Variants in WDR4 observed in about 807,000 individuals in gnomAD.
WDR4 encodes the protein WDR4 tRNA N7-guanosine methyltransferase non-catalytic subunit.
WDR4 carries 47 observed loss-of-function variants against 48.6 expected under a neutral mutation model. The observed-to-expected ratio is 0.97, with a 90% CI of 0.77 to 1.23. WDR4 has a LOEUF of 1.23. Among genes scored for constraint, WDR4 ranks in the 50% most tolerant of loss-of-function variants. The pLI, the probability that WDR4 is intolerant of heterozygous loss-of-function variation, is 0.00. For missense variants in WDR4, 606 were observed against 551.6 expected, an observed-to-expected ratio of 1.10 and a Z score of -0.99; for synonymous variants, 268 against 230.0, an observed-to-expected ratio of 1.17 and a Z score of -1.49.
intron 3 of WDR4, among the ~76,000 whole-genome samples, chr21:42,870,359 G>A (rs554534793): frequency 2.1e-4 from 32 of 151,882 alleles, no homozygotes; most frequent in African/African-American, 6.5e-4. Context: ...TCAAAACAAA[G>A]AAAGAAAGAA....
intron 2 of WDR4, among the ~76,000 whole-genome samples, chr21:42,875,229 G>C (rs1182179891): frequency 6.6e-6 from 1 of 152,088 alleles, no homozygotes; most frequent in Non-Finnish European, 1.5e-5. Context: ...TGGGTAACAT[G>C]GCGAAACCAC....
chr21:42,880,999 G>C (rs538761284), upstream of WDR4, among the ~76,000 whole-genome samples: 349 of 150,184 alleles, frequency 2.3e-3, 2 homozygotes, highest in African/African-American at 8.0e-3. Context: ...TCCACCTCCC[G>C]AGTTCACGCC....
chr21:42,864,287 C>A (rs75648438), intron 3 of WDR4, among the ~76,000 whole-genome samples: 5,532 of 151,706 alleles, frequency 0.036, 107 homozygotes, highest in East Asian at 0.081. Context: ...AGGGAGACAA[C>A]GGCCCTCTCC....
intron 3 of WDR4, among the ~76,000 whole-genome samples, chr21:42,864,829 T>C (rs1191533460): frequency 6.6e-6 from 1 of 152,158 alleles, no homozygotes; most frequent in East Asian, 1.9e-4. Context: ...ATATGTTCTA[T>C]TTTACATAGA....
In WDR4 at chr21:42,876,775, G is replaced by C. The variant is rs892591398; in HGVS notation, c.90-8C>G. ...AAGAGGCTGTCATCATCACTAAAGA[G>C]AAATAACAATAATTTTAAAAGGAGT... On this transcript the variant is annotated splice_polypyrimidine_tract_variant and splice_region_variant and intron_variant, in intron 1 of 10. Coordinates refer to ENST00000398208, the MANE Select transcript of WDR4 (RefSeq NM_018669.6). 1.9e-6 allele frequency: 3 copies of C among 1,602,934 alleles called. No homozygotes were observed. Among genetic ancestry groups the C allele is most frequent in the East Asian group, 2.2e-5 (1 of 44,748 alleles).
upstream of WDR4, chr21:42,879,780 C>T (rs1217604644): frequency 2.2e-6 from 1 of 451,270 alleles, no homozygotes; most frequent in Non-Finnish European, 4.0e-6. Context: ...TTCATCCTTT[C>T]CTCTAGACGG....
At chr21:42,871,722 G>A (rs1213971282) in intron 3 of WDR4, among the ~76,000 whole-genome samples, 1 of 152,104 alleles carries the variant, frequency 6.6e-6, no homozygotes, top group Non-Finnish European at 1.5e-5. Flanking sequence ...CCAGAAGGTG[G>A]GTAAGAAGGG....
the WDR4 span, among the ~76,000 whole-genome samples, chr21:42,887,921 C>CA: frequency 4.8e-4 from 65 of 135,226 alleles, no homozygotes; most frequent in East Asian, 1.0e-3. Context: ...GACTCCGTGT[C>CA]AAAAAAAAAA....
downstream of WDR4, among the ~76,000 whole-genome samples, chr21:42,848,252 A>G (rs1433491643): frequency 6.6e-6 from 1 of 152,150 alleles, no homozygotes; most frequent in Non-Finnish European, 1.5e-5. Flanking sequence ...TAAGTGATGT[A>G]CCCAGAAGCC....
At chr21:42,866,254 G>A (rs572876704) in intron 3 of WDR4, among the ~76,000 whole-genome samples, 3 of 152,214 alleles carry the variant, frequency 2.0e-5, no homozygotes, top group Non-Finnish European at 2.9e-5. Context: ...CGTCCCTTGC[G>A]GTTCTAAACT....
intron 2 of WDR4, among the ~76,000 whole-genome samples, chr21:42,875,112 G>A (rs960218882): frequency 3.3e-5 from 5 of 152,116 alleles, no homozygotes; most frequent in Admixed American, 6.6e-5. Context: ...AAGAACCTAC[G>A]TGAAATATCG....
intron 6 of WDR4, among the ~76,000 whole-genome samples, chr21:42,857,331 G>A (rs901748486): frequency 2.6e-5 from 4 of 152,074 alleles, no homozygotes; most frequent in South Asian, 4.2e-4. Flanking sequence ...AGAAGAGACC[G>A]ACTGACCCAC....
the WDR4 span, among the ~76,000 whole-genome samples, chr21:42,885,185 G>A: frequency 3.3e-4 from 51 of 152,242 alleles, 1 homozygote; most frequent in East Asian, 8.1e-3. Context: ...CCCTAGCAGC[G>A]TATTAAGATG....
chr21:42,854,954 C>T (rs1320492390), intron 7 of WDR4, among the ~76,000 whole-genome samples: 3 of 152,110 alleles, frequency 2.0e-5, no homozygotes, highest in Admixed American at 1.3e-4. Context: ...ACACATACAA[C>T]TGCCCTGTGA....
upstream of WDR4, among the ~76,000 whole-genome samples, chr21:42,883,446 G>A (rs538067143): frequency 7.9e-5 from 12 of 151,904 alleles, no homozygotes; most frequent in Non-Finnish European, 4.4e-5. Flanking sequence ...GTAGTGGGTT[G>A]AAAGGTGGCC....
chr21:42,867,462 T>G (rs1373220559), intron 3 of WDR4, among the ~76,000 whole-genome samples: 1 of 152,008 alleles, frequency 6.6e-6, no homozygotes. Flanking sequence ...CACTGCTCTT[T>G]GCTCACATGC....
At chr21:42,866,303 T>A (rs562324418) in intron 3 of WDR4, among the ~76,000 whole-genome samples, 13 of 152,230 alleles carry the variant, frequency 8.5e-5, no homozygotes, top group Non-Finnish European at 1.5e-4. Context: ...ACAACTTCCA[T>A]CTTGGCTACG....
At chr21:42,864,325 T>C (rs1418995731) in intron 3 of WDR4, among the ~76,000 whole-genome samples, 1 of 151,910 alleles carries the variant, frequency 6.6e-6, no homozygotes, top group Non-Finnish European at 1.5e-5. Flanking sequence ...TGGGGGCCAC[T>C]GTCAAGGACA....
chr21:42,866,476 T>C (rs2839591), intron 3 of WDR4, among the ~76,000 whole-genome samples: 91,789 of 152,038 alleles, frequency 0.6, 28,458 homozygotes, highest in African/African-American at 0.72. Context: ...TAAAACTGAA[T>C]GGAGGTGGAT....
Sources: gnomAD v4.1 joint callset for allele counts (sites outside exome capture counted in the v4.1 genomes callset) on GRCh38, gnomAD v4.1.1 for gene constraint, MANE v1.5 for transcripts, NCBI Gene and HGNC (gene_info 2026-07-23, HGNC 2026-07-21) for gene names.